LSP1: variants seen among roughly 807,000 people sequenced by gnomAD.
The protein encoded by LSP1 is lymphocyte-specific protein 1.
Under a neutral mutation model 49.3 loss-of-function variants are expected in LSP1, and 32 were observed. The observed-to-expected ratio is 0.65, with a 90% CI of 0.49 to 0.87. The LOEUF is 0.87. Ranked by LOEUF, LSP1 falls within the 40% of genes least tolerant of loss-of-function variation. The probability of loss-of-function intolerance (pLI) is 0.00; values close to 1 mark genes in which losing one functional copy is unlikely to be tolerated. For synonymous variants in LSP1, 179 were observed against 178.8 expected (o/e 1.00, Z -0.01); for missense variants, 428 against 442.6 (o/e 0.97, Z 0.30).
At chr11:1,878,305 C>T (rs955375905) in intron 1 of LSP1, among the ~76,000 whole-genome samples, 1 of 152,232 alleles carries the variant, frequency 6.6e-6, no homozygotes, top group African/African-American at 2.4e-5. Flanking sequence ...GGCTCTGCCT[C>T]CTCAGGTGGA....
intron 1 of LSP1, among the ~76,000 whole-genome samples, chr11:1,858,553 C>T (rs756196397): frequency 5.3e-5 from 8 of 152,164 alleles, no homozygotes; most frequent in Non-Finnish European, 1.0e-4. Flanking sequence ...ATAAGGCAAT[C>T]GAAGAGGGCT....
rs762257038 is a variant in LSP1, at chr11:1,889,559, C to T, written c.*13+1983C>T. 7.7e-4 allele frequency: 471 copies of T among 613,006 alleles called. 1 individual carries two copies. The highest frequency in any genetic ancestry group is 1.1e-3 in the Non-Finnish European group (372 of 334,700). The allele number at this position is 613,006 out of a possible 1,614,324, so 38.0% of individuals were successfully genotyped here. A position where few individuals can be genotyped will look rare whatever the true frequency, so the allele number is the denominator to read the frequency against. ...CCTCCAGCAGCTGCTTCTTGAGCCA[C>T]GTCCAGCCACTGAGCCGGGGCTTGG... is the stretch of plus-strand genomic sequence containing the variant. On this transcript the variant is annotated intron_variant, in intron 10 of 10. Coordinates refer to ENST00000311604, the MANE Select transcript of LSP1 (RefSeq NM_002339.3).
intron 1 of LSP1, 101 bp downstream of exon 1, chr11:1,853,298 T>C (rs1847406869): frequency 6.0e-6 from 8 of 1,334,448 alleles, no homozygotes; most frequent in Middle Eastern, 3.8e-4. Context: ...TGATGGGGAA[T>C]CTGGGGCCCC....
At chr11:1,877,545 G>A (rs1417188718) in intron 1 of LSP1, among the ~76,000 whole-genome samples, 1 of 152,190 alleles carries the variant, frequency 6.6e-6, no homozygotes, top group Non-Finnish European at 1.5e-5. Context: ...CTCGTGCCAG[G>A]GCCGGCACCG....
At position 1,881,456 on chromosome 11, in the gene LSP1, C is replaced by T; in HGVS notation, c.216C>T (p.Ala72=). The T allele has an allele frequency of 6.3e-7, 1 of 1,579,914 alleles. No individual in the cohort carries two copies. The highest frequency in any genetic ancestry group is 1.2e-5 in the South Asian group (1 of 86,346). The part of the protein sequence containing the change: ...EMLLSLKPSE[A]PELDEDEGFG... ...GCCTCAGCCTGAAGCCCTCGGAGGC[C>T]CCTGAACTGGATGAGGACGAGGGCT... The change falls in exon 3 of 11, where the codon GCC becomes GCT. Residue 72 remains alanine (A), a synonymous_variant. Coordinates refer to ENST00000311604, the MANE Select transcript of LSP1 (RefSeq NM_002339.3).
In LSP1 at chr11:1,884,271, C is replaced by A. The variant is rs1303811106; in HGVS notation, c.592-9C>A. ...GCTGCAGGCCTGTGTCTCTCTCCACCCTCTGCAGCTCATCGACAGGACCGA... is the reference window on the plus strand; with the variant it reads ...GCTGCAGGCCTGTGTCTCTCTCCACACTCTGCAGCTCATCGACAGGACCGA... On this transcript the variant is annotated splice_polypyrimidine_tract_variant and intron_variant, in intron 5 of 10. Transcript: ENST00000311604. This position sits in a 1 kb window ranked among gnomAD's most constrained non-coding sequence, Gnocchi z 4.1. The A allele has an allele frequency of 6.2e-7, 1 of 1,614,054 alleles. No individual in the cohort carries two copies. The highest frequency in any genetic ancestry group is 1.3e-5 in the African/African-American group (1 of 75,008).
At chr11:1,864,214 G>T in intron 1 of LSP1, 1 of 987,256 alleles carries the variant, frequency 1.0e-6, no homozygotes, top group South Asian at 4.6e-5. Flanking sequence ...AACCAGCGAA[G>T]GGTCCAGGCC....
chr11:1,873,202 C>T (rs989034698), intron 1 of LSP1, among the ~76,000 whole-genome samples: 1 of 151,826 alleles, frequency 6.6e-6, no homozygotes, highest in Non-Finnish European at 1.5e-5. Flanking sequence ...TGGGGGGCGG[C>T]TCTGTCTCCC....
intron 1 of LSP1, among the ~76,000 whole-genome samples, chr11:1,856,459 C>T (rs1036050814): frequency 2.6e-4 from 40 of 152,256 alleles, no homozygotes; most frequent in South Asian, 2.1e-4. Context: ...CTGCCCAGCC[C>T]GCGGTGGGAG....
chr11:1,871,244 C>G, intron 1 of LSP1: 1 of 986,754 alleles, frequency 1.0e-6, no homozygotes, highest in Non-Finnish European at 1.2e-6. Context: ...CAGGCAGAGC[C>G]GCAGCCACGC....
At chr11:1,874,052 GCAGAGCA>G (rs1565079586) in intron 1 of LSP1, among the ~76,000 whole-genome samples, 11 of 144,724 alleles carry the variant, frequency 7.6e-5, no homozygotes, top group Non-Finnish European at 7.6e-5. Context: ...AGGGAGGCTG[GCAGAGCA>G]GGGAGGCCGG....
intron 1 of LSP1, among the ~76,000 whole-genome samples, chr11:1,874,090 A>AGGAGGGAG (rs1848192556): frequency 7.3e-5 from 8 of 109,712 alleles, no homozygotes; most frequent in African/African-American, 1.1e-4. Flanking sequence ...AGGCCGGCAG[A>AGGAGGGAG]GCAGGGAGGC....
At chr11:1,872,983 G>T (rs1848109244) in intron 1 of LSP1, among the ~76,000 whole-genome samples, 1 of 151,986 alleles carries the variant, frequency 6.6e-6, no homozygotes, top group African/African-American at 2.4e-5. Context: ...GGGGGTGGGG[G>T]TATAGGGGGA....
chr11:1,881,233 C>T (rs1378968226), intron 2 of LSP1, 199 bp from the exon 3 acceptor site: 58 of 547,238 alleles, frequency 1.1e-4, no homozygotes, highest in African/African-American at 9.8e-5. Flanking sequence ...CTCAGGCTGC[C>T]CCAGAACTGA....
chr11:1,880,383 C>A (rs1848489969), intron 2 of LSP1, among the ~76,000 whole-genome samples, 159 bp downstream of exon 2: 1 of 152,076 alleles, frequency 6.6e-6, no homozygotes, highest in South Asian at 2.1e-4. Flanking sequence ...GGTGAGTGCT[C>A]CTGGGGCGAG....
intron 1 of LSP1, chr11:1,864,061 G>T: frequency 2.6e-6 from 1 of 386,036 alleles, no homozygotes; most frequent in Non-Finnish European, 3.5e-6. Flanking sequence ...AGGGGAGGAG[G>T]GGAGAGGAAG....
At chr11:1,859,198 C>G (rs556419928) in intron 1 of LSP1, among the ~76,000 whole-genome samples, 1 of 152,152 alleles carries the variant, frequency 6.6e-6, no homozygotes, top group South Asian at 2.1e-4. Context: ...GCAGGGGCCT[C>G]TACACACACC....
chr11:1,874,121 G>GACAGTGGGGGCAGGCCGGA (rs1565079731), intron 1 of LSP1, among the ~76,000 whole-genome samples: 2 of 34,526 alleles, frequency 5.8e-5, no homozygotes, highest in African/African-American at 1.1e-4. Context: ...GGGAGGCTGG[G>GACAGTGGGGGCAGGCCGGA]GACAGTGGGG....
chr11:1,860,362 T>A (rs898302706), intron 1 of LSP1, among the ~76,000 whole-genome samples: 5 of 151,208 alleles, frequency 3.3e-5, no homozygotes, highest in African/African-American at 1.2e-4. Flanking sequence ...GATGGACAGG[T>A]GGGTGAATGG....
Sources: gnomAD v4.1 joint callset for allele counts (sites outside exome capture counted in the v4.1 genomes callset) on GRCh38, gnomAD v4.1.1 for gene constraint, Gnocchi (gnomAD v3.1) non-coding constraint, MANE v1.5 for transcripts, NCBI Gene and HGNC (gene_info 2026-07-23, HGNC 2026-07-21) for gene names.